Variants in TMEM163 observed in about 807,000 individuals in gnomAD.
TMEM163 encodes the protein transmembrane protein 163.
TMEM163 carries 17 observed loss-of-function variants against 29.3 expected under a neutral mutation model. The observed-to-expected ratio is 0.58, with a 90% CI of 0.40 to 0.87. The LOEUF (loss-of-function observed/expected upper bound fraction) is 0.87, where lower values mean the gene tolerates loss of function less well. Among genes scored for constraint, TMEM163 ranks in the 40% least tolerant of loss-of-function variants. The pLI is 0.00. For missense variants in TMEM163, 303 were observed against 381.5 expected (o/e 0.79, Z 1.71); for synonymous variants, 157 against 160.6 (o/e 0.98, Z 0.17).
At chr2:134,575,919 A>G (rs75619418) in intron 2 of TMEM163, among the ~76,000 whole-genome samples, 4,067 of 152,236 alleles carry the variant, frequency 0.027, 159 homozygotes, top group Middle Eastern at 0.16. Flanking sequence ...ACCCAACCAC[A>G]CAGAGGTGAG....
At chr2:134,584,244 G>A (rs1681760325) in intron 2 of TMEM163, among the ~76,000 whole-genome samples, 1 of 152,166 alleles carries the variant, frequency 6.6e-6, no homozygotes, top group Non-Finnish European at 1.5e-5. Context: ...CAGAACTAAG[G>A]AACAATGAAA....
At chr2:134,534,889 T>C (rs1680498194) in intron 4 of TMEM163, among the ~76,000 whole-genome samples, 1 of 152,192 alleles carries the variant, frequency 6.6e-6, no homozygotes, top group Non-Finnish European at 1.5e-5. Context: ...GAAGAAGAGA[T>C]ATTGAGCCAG....
chr2:134,577,046 G>T (rs1291271201), intron 2 of TMEM163, among the ~76,000 whole-genome samples: 1 of 152,130 alleles, frequency 6.6e-6, no homozygotes, highest in African/African-American at 2.4e-5. Context: ...ATTCCTATCT[G>T]TGAATTCCTG....
At chr2:134,493,526 A>G (rs1489789879) in intron 5 of TMEM163, among the ~76,000 whole-genome samples, 1 of 151,794 alleles carries the variant, frequency 6.6e-6, no homozygotes, top group Admixed American at 6.6e-5. Flanking sequence ...GGCACCTGCC[A>G]CCATGCCCAG....
At chr2:134,472,756 T>G (rs759767427) in intron 5 of TMEM163, among the ~76,000 whole-genome samples, 6 of 152,240 alleles carry the variant, frequency 3.9e-5, no homozygotes. Context: ...TGCCTGACAT[T>G]TACGGAACAT....
chr2:134,528,170 A>G (rs1445400372), intron 4 of TMEM163, among the ~76,000 whole-genome samples: 1 of 152,216 alleles, frequency 6.6e-6, no homozygotes, highest in East Asian at 1.9e-4. Context: ...AACTCCCAGT[A>G]GCCTTTTAAA....
At chr2:134,657,004 T>C (rs1683635389) in intron 2 of TMEM163, among the ~76,000 whole-genome samples, 1 of 152,220 alleles carries the variant, frequency 6.6e-6, no homozygotes, top group Admixed American at 6.5e-5. Flanking sequence ...CCTAGTATTT[T>C]GTTGAGGATT....
chr2:134,515,910 T>C (rs1252250246), intron 4 of TMEM163, among the ~76,000 whole-genome samples: 1 of 152,230 alleles, frequency 6.6e-6, no homozygotes, highest in African/African-American at 2.4e-5. Context: ...ACTTCTAACA[T>C]TGACCTGTAT....
At chr2:134,476,344 A>G (rs1373220218) in intron 5 of TMEM163, among the ~76,000 whole-genome samples, 1 of 152,172 alleles carries the variant, frequency 6.6e-6, no homozygotes, top group Non-Finnish European at 1.5e-5. Flanking sequence ...GGCAGGAGGG[A>G]TCATTCTGGG....
At chr2:134,605,767 G>T (rs1049545371) in intron 2 of TMEM163, among the ~76,000 whole-genome samples, 6 of 152,062 alleles carry the variant, frequency 3.9e-5, no homozygotes, top group African/African-American at 1.4e-4. Context: ...AAGAAAAGAT[G>T]TGACACTGAT....
At chr2:134,589,606 C>G (rs1681897244) in intron 2 of TMEM163, among the ~76,000 whole-genome samples, 2 of 152,136 alleles carry the variant, frequency 1.3e-5, no homozygotes, top group South Asian at 4.1e-4. Context: ...AGGAGGAACC[C>G]TCAGTTCTGG....
At chr2:134,591,042 A>G (rs936192815) in intron 2 of TMEM163, among the ~76,000 whole-genome samples, 1 of 152,204 alleles carries the variant, frequency 6.6e-6, no homozygotes. Flanking sequence ...GGAGTAACTC[A>G]AGCTAAGGGC....
chr2:134,594,256 AAG>A (rs543922806), intron 2 of TMEM163, among the ~76,000 whole-genome samples: 114 of 149,526 alleles, frequency 7.6e-4, no homozygotes, highest in South Asian at 2.2e-3. Flanking sequence ...AAGGGGGAGA[AAG>A]AGAGAAGCGG....
At chr2:134,570,207 T>A (rs1681387930) in intron 2 of TMEM163, among the ~76,000 whole-genome samples, 1 of 152,088 alleles carries the variant, frequency 6.6e-6, no homozygotes, top group Admixed American at 6.5e-5. Flanking sequence ...ACGGTAAGAA[T>A]GAATCTTCTA....
At chr2:134,671,868 C>T (rs185516370) in intron 2 of TMEM163, among the ~76,000 whole-genome samples, 335 of 152,314 alleles carry the variant, frequency 2.2e-3, no homozygotes, top group African/African-American at 7.7e-3. Flanking sequence ...TTGGCTGACT[C>T]ATCTGTAAAA....
intron 2 of TMEM163, among the ~76,000 whole-genome samples, chr2:134,658,810 G>A (rs1017110560): frequency 3.6e-4 from 55 of 152,228 alleles, no homozygotes; most frequent in African/African-American, 1.3e-3. Context: ...TGTTAGCCAG[G>A]ATGGTCTTGA....
At chr2:134,605,556 G>A (rs1444872309) in intron 2 of TMEM163, among the ~76,000 whole-genome samples, 1 of 152,002 alleles carries the variant, frequency 6.6e-6, no homozygotes, top group African/African-American at 2.4e-5. Flanking sequence ...AAATTAACTG[G>A]GCATGGTGGC....
chr2:134,507,815 C>A (rs1266361206), intron 4 of TMEM163, among the ~76,000 whole-genome samples: 1 of 152,072 alleles, frequency 6.6e-6, no homozygotes, highest in African/African-American at 2.4e-5. Context: ...CATGATCGTG[C>A]CACTGCACTG....
chr2:134,597,842 G>A (rs1270369951), intron 2 of TMEM163, among the ~76,000 whole-genome samples: 2 of 152,144 alleles, frequency 1.3e-5, no homozygotes, highest in African/African-American at 4.8e-5. Flanking sequence ...TTTAGTCTTG[G>A]GAGGGTGTAT....
Sources: allele counts gnomAD v4.1 joint callset (sites outside exome capture counted in the v4.1 genomes callset), GRCh38; gene constraint gnomAD v4.1.1; transcripts MANE v1.5; gene names NCBI Gene and HGNC (gene_info 2026-07-23, HGNC 2026-07-21).